The following LSM5 variants were observed in gnomAD, a reference collection of about 807,000 sequenced individuals.
LSM5 encodes the protein LSM5 homolog, U6 small nuclear RNA and mRNA degradation associated, also known as U6 snRNA-associated Sm-like protein LSm5.
In LSM5, 8 loss-of-function variants were observed where a neutral mutation model predicts 13.8. The ratio of observed to expected loss-of-function variants is 0.58; its 90% confidence interval spans 0.34 to 1.04. The LOEUF is 1.04. Ranked by LOEUF, LSM5 falls within the 50% of genes least tolerant of loss-of-function variation. LSM5 has a pLI of 0.03. For missense variants in LSM5, 80 were observed against 108.1 expected (o/e 0.74, Z 1.15); for synonymous variants, 35 against 37.0 (o/e 0.95, Z 0.20).
chr7:32,489,523 C>A (rs1331968633), intron 1 of LSM5, 179 bp from the exon 2 acceptor site: 8 of 542,178 alleles, frequency 1.5e-5, no homozygotes, highest in Non-Finnish European at 2.6e-5. Flanking sequence ...AATGAGCCTT[C>A]CAAAAGAGTC....
In LSM5 at chr7:32,486,082, C is replaced by T. The variant is rs1162931173; in HGVS notation, c.*1179G>A. On this transcript the variant is annotated 3_prime_UTR_variant, in exon 5 of 5. Transcript: ENST00000450169. The stretch of plus-strand genomic sequence containing the variant: ...AAATGGTACTATGAAAGACTCCTGG[C>T]AAAAATATACATTGGCACAAACTTT... 6.6e-6 allele frequency: 1 copy of T among 151,962 alleles called. No individual in the cohort carries two copies. Among genetic ancestry groups the T allele is most frequent in the Non-Finnish European group, 1.5e-5 (1 of 68,010 alleles). 9.4% of individuals were successfully genotyped at this position (151,962 alleles called of 1,614,324 possible).
chr7:32,487,223 A>T lies in LSM5; in HGVS notation c.*38T>A, dbSNP rs372982845. On this transcript the variant is annotated 3_prime_UTR_variant, in exon 5 of 5. Coordinates refer to ENST00000450169, the MANE Select transcript of LSM5 (RefSeq NM_012322.3). The stretch of plus-strand genomic sequence containing the variant: ...AAAATTCCATTTTCTTGTCATTATA[A>T]GCCAAAACAAAATCTAGTGTAAGTC... 5.0e-6 allele frequency: 8 copies of T among 1,599,418 alleles called. No homozygotes were observed. In the African/African-American group the frequency reaches 9.4e-5, roughly 19 times the overall value.
At position 32,486,069 on chromosome 7, in the gene LSM5, GAA is replaced by G. The variant is rs1747624984; in HGVS notation, c.*1190_*1191del. ...CTGGGAAGGATATAAATGGTACTAT[GAA>G]AGACTCCTGGCAAAAATATACATTG... On this transcript the variant is annotated 3_prime_UTR_variant, in exon 5 of 5. Transcript: ENST00000450169. 1 of 151,992 alleles carries G rather than the reference GAA, an allele frequency of 6.6e-6. No homozygotes were observed. The highest frequency in any genetic ancestry group is 2.4e-5 in the African/African-American group (1 of 41,362). 9.4% of individuals were successfully genotyped at this position (151,992 alleles called of 1,614,324 possible).
At chr7:32,494,373 G>A (rs1354527495), upstream of LSM5, among the ~76,000 whole-genome samples, 2 of 152,160 alleles carry the variant, frequency 1.3e-5, no homozygotes, top group African/African-American at 2.4e-5. Context: ...GAAAAGAAAT[G>A]TATAGCAGCA....
chr7:32,487,740 C>T lies in LSM5; in HGVS notation c.188G>A (p.Gly63Glu), dbSNP rs1242989846. Residue 63 changes from glycine to glutamate, a missense_variant, in exon 4 of 5, where the codon GGA (glycine) becomes GAA (glutamate). Physicochemically the swap from Gly to Glu is moderately conservative, Grantham distance 98. Transcript: ENST00000450169. ...DVTEFEITPE[G>E]RRITKLDQIL... ...CTGATCTAATTTAGTAATCCTTCTT[C>T]CTTCTGGTGTGATTTCACTAAATGA... is the stretch of plus-strand genomic sequence containing the variant. 1.3e-6 allele frequency: 2 copies of T among 1,503,406 alleles called. No homozygotes were observed. Among genetic ancestry groups the T allele is most frequent in the African/African-American group, 1.4e-5 (1 of 72,826 alleles). 93.1% of individuals were successfully genotyped at this position (1,503,406 alleles called of 1,614,324 possible).
At chr7:32,490,107 G>C in intron 1 of LSM5, 2 of 1,525,074 alleles carry the variant, frequency 1.3e-6, no homozygotes, top group Non-Finnish European at 1.8e-6. Context: ...GTGAAGGTCT[G>C]GTTTGAGAAG....
At position 32,486,930 on chromosome 7, in the gene LSM5, C is replaced by A. The variant is rs1171411243; in HGVS notation, c.*331G>T. ...CTTTTGTTTGAGAATCAAATGGTCA[C>A]GTAAATGACAAAACAAATAAGCATA... is the stretch of plus-strand genomic sequence containing the variant. On this transcript the variant is annotated 3_prime_UTR_variant, in exon 5 of 5. Coordinates refer to ENST00000450169, the MANE Select transcript of LSM5 (RefSeq NM_012322.3). The A allele has an allele frequency of 3.7e-6, 1 of 270,846 alleles. No individual in the cohort carries two copies. The highest frequency in any genetic ancestry group is 2.3e-5 in the African/African-American group (1 of 44,104). The allele number at this position is 270,846 out of a possible 1,614,324, so 16.8% of individuals were successfully genotyped here.
chr7:32,492,703 C>CAA (rs1786621687), upstream of LSM5, among the ~76,000 whole-genome samples: 1 of 152,088 alleles, frequency 6.6e-6, no homozygotes, highest in African/African-American at 2.4e-5. Flanking sequence ...AGGCAAGACA[C>CAA]AAAAAGGAAG....
chr7:32,486,985 C>G lies in LSM5; in HGVS notation c.*276G>C, dbSNP rs1786463206. The G allele has an allele frequency of 2.3e-6, 1 of 443,980 alleles. No individual in the cohort carries two copies. The highest frequency in any genetic ancestry group is 2.1e-5 in the African/African-American group (1 of 48,416). The allele number at this position is 443,980 out of a possible 1,614,324, so 27.5% of individuals were successfully genotyped here. On this transcript the variant is annotated 3_prime_UTR_variant, in exon 5 of 5. Coordinates refer to ENST00000450169, the MANE Select transcript of LSM5 (RefSeq NM_012322.3). ...GACAGAAAAGTAAGTGGCAAAATAA[C>G]TACAAACTTTGTTCCACTGGCTACT... is the stretch of plus-strand genomic sequence containing the variant.
chr7:32,490,465 G>C, upstream of LSM5: 1 of 977,920 alleles, frequency 1.0e-6, no homozygotes, highest in Non-Finnish European at 1.6e-6. Context: ...CCAATCTGAG[G>C]CCGAGCGCAC....
intron 4 of LSM5, 186 bp from the exon 5 acceptor site, chr7:32,487,479 A>G: frequency 1.5e-6 from 1 of 665,834 alleles, no homozygotes; most frequent in Non-Finnish European, 2.7e-6. Flanking sequence ...ACAGCGATTA[A>G]AAGTTCCAAG....
At chr7:32,490,779 G>C (rs995383715), upstream of LSM5, 1 of 198,034 alleles carries the variant, frequency 5.0e-6, no homozygotes, top group African/African-American at 2.3e-5. Flanking sequence ...ACTCATTAAG[G>C]AATCTATTGT....
rs1458477057 is a variant in LSM5 at position 32,485,574 on chromosome 7, A to C, written c.*1687T>G. 2 of 152,236 alleles carry C rather than the reference A, an allele frequency of 1.3e-5. No individual in the cohort carries two copies. Among genetic ancestry groups the C allele is most frequent in the African/African-American group, 4.8e-5 (2 of 41,450 alleles). 9.4% of individuals were successfully genotyped at this position (152,236 alleles called of 1,614,324 possible). ...AAAAGACAAACATCTCAATGGCAAA[A>C]GCCTCAACAGATAAGTCATTTACAA... On this transcript the variant is annotated 3_prime_UTR_variant, in exon 5 of 5. Coordinates refer to ENST00000450169, the MANE Select transcript of LSM5 (RefSeq NM_012322.3).
chr7:32,495,273 C>G (rs1786722269), upstream of LSM5: 1 of 157,756 alleles, frequency 6.3e-6, no homozygotes, highest in Non-Finnish European at 1.4e-5. Flanking sequence ...GCCCAGCCGC[C>G]CGGGTCACGT....
chr7:32,485,582 C>G lies in LSM5; in HGVS notation c.*1679G>C, dbSNP rs1003976700. The G allele has an allele frequency of 6.6e-6, 1 of 152,142 alleles. No homozygotes were observed. Among genetic ancestry groups the G allele is most frequent in the Non-Finnish European group, 1.5e-5 (1 of 68,012 alleles). 9.4% of individuals were successfully genotyped at this position (152,142 alleles called of 1,614,324 possible). ...AACATCTCAATGGCAAAAGCCTCAA[C>G]AGATAAGTCATTTACAAAATACAAA... On this transcript the variant is annotated 3_prime_UTR_variant, in exon 5 of 5. Coordinates refer to ENST00000450169, the MANE Select transcript of LSM5 (RefSeq NM_012322.3).
At chr7:32,492,288 G>A (rs911629758), upstream of LSM5, among the ~76,000 whole-genome samples, 1 of 152,218 alleles carries the variant, frequency 6.6e-6, no homozygotes, top group Non-Finnish European at 1.5e-5. Flanking sequence ...CACTTTGGGG[G>A]CCGAGGTGGG....
intron 2 of LSM5, 64 bp downstream of exon 2, chr7:32,489,185 G>A: frequency 1.3e-6 from 1 of 778,520 alleles, no homozygotes; most frequent in Non-Finnish European, 2.2e-6. Flanking sequence ...TATACTGATT[G>A]TCTATAGTTC....
upstream of LSM5, chr7:32,490,394 T>A: frequency 6.3e-7 from 1 of 1,578,148 alleles, no homozygotes; most frequent in Non-Finnish European, 8.7e-7. Flanking sequence ...CTGCCTTCAT[T>A]GATGGTGGGA....
chr7:32,487,061 C>T lies in LSM5; in HGVS notation c.*200G>A. 1 of 604,464 alleles carries T rather than the reference C, an allele frequency of 1.7e-6. No homozygotes were observed. The highest frequency in any genetic ancestry group is 2.9e-6 in the Non-Finnish European group (1 of 345,040). 37.4% of individuals were successfully genotyped at this position (604,464 alleles called of 1,614,324 possible). ...TAACCAAAAACACCTTTATTTTCAT[C>T]TGCAAAGAAGAAGCTCTTTTCTTCT... On this transcript the variant is annotated 3_prime_UTR_variant, in exon 5 of 5. Transcript: ENST00000450169.
Sources: gnomAD v4.1 joint callset for allele counts (sites outside exome capture counted in the v4.1 genomes callset) on GRCh38, gnomAD v4.1.1 for gene constraint, MANE v1.5 for transcripts, NCBI Gene and HGNC (gene_info 2026-07-23, HGNC 2026-07-21) for gene names.